KAZN: variants seen among roughly 807,000 people sequenced by gnomAD.
KAZN encodes the protein kazrin, periplakin interacting protein.
In KAZN, 40 loss-of-function variants were observed where a neutral mutation model predicts 87.4. The observed-to-expected ratio is 0.46, with a 90% CI of 0.36 to 0.60. The LOEUF (loss-of-function observed/expected upper bound fraction) is 0.60, where lower values mean the gene tolerates loss of function less well. Ranked by LOEUF, KAZN falls within the 20% of genes least tolerant of loss-of-function variation. The pLI is 0.00. For synonymous variants in KAZN, 466 were observed against 458.3 expected, an observed-to-expected ratio of 1.02 and a Z score of -0.22; for missense variants, 898 against 1,073.9, an observed-to-expected ratio of 0.84 and a Z score of 2.29.
chr1:14,519,308 T>C (rs1355066354), intron 2 of KAZN, among the ~76,000 whole-genome samples: 3 of 152,168 alleles, frequency 2.0e-5, no homozygotes, highest in Non-Finnish European at 4.4e-5. Flanking sequence ...CCCTCTGCTT[T>C]GCTTTAGATG....
Position 14,387,601 on chromosome 1 carries a change from G to T in KAZN, c.249+207009G>T, listed in dbSNP as rs1662042080. Among the ~76,000 whole-genome samples, 7 of 152,196 alleles carry T rather than the reference G, an allele frequency of 4.6e-5. No homozygotes were observed. The South Asian group carries it at 1.4e-3, about 32-fold the overall frequency. On this transcript the variant is annotated intron_variant, in intron 2 of 16. Transcript: ENST00000636203. Reference sequence around the variant, plus strand: ...GAGATGTCAGTCTGCCCCTGCTTGGGGGGTGCCTCCCAGTTAGGCTGCTCG... The same window carrying T: ...GAGATGTCAGTCTGCCCCTGCTTGGTGGGTGCCTCCCAGTTAGGCTGCTCG...
At chr1:14,038,006 A>G (rs1281303500) in intron 1 of KAZN, among the ~76,000 whole-genome samples, 1 of 152,116 alleles carries the variant, frequency 6.6e-6, no homozygotes. Flanking sequence ...AATTCACTCA[A>G]CCACCCACCT....
intron 1 of KAZN, among the ~76,000 whole-genome samples, chr1:14,857,765 C>T (rs887451462): frequency 6.6e-6 from 1 of 152,144 alleles, no homozygotes; most frequent in Non-Finnish European, 1.5e-5. Context: ...AGCCCACCCT[C>T]CTTTAAGCAA....
intron 1 of KAZN, among the ~76,000 whole-genome samples, chr1:14,948,278 G>A (rs1023433816): frequency 1.3e-5 from 2 of 152,222 alleles, no homozygotes; most frequent in South Asian, 2.1e-4. Context: ...TTCAGGTGTG[G>A]TGTGATCCAG....
chr1:14,475,360 T>C (rs1333687061), intron 2 of KAZN, among the ~76,000 whole-genome samples: 1 of 152,216 alleles, frequency 6.6e-6, no homozygotes, highest in East Asian at 1.9e-4. Flanking sequence ...CTTTAATATA[T>C]ACGTTCGGAA....
At chr1:14,883,064 G>C (rs150777970) in intron 1 of KAZN, among the ~76,000 whole-genome samples, 4,412 of 152,056 alleles carry the variant, frequency 0.029, 80 homozygotes, top group Non-Finnish European at 0.041. Flanking sequence ...GGGAGGCTGA[G>C]GTGGGTGGAT....
At chr1:14,836,088 C>A (rs377173658) in intron 1 of KAZN, among the ~76,000 whole-genome samples, 10 of 152,152 alleles carry the variant, frequency 6.6e-5, no homozygotes, top group African/African-American at 2.4e-4. Context: ...GGAGACCTGA[C>A]CTGTAAGTTT....
chr1:14,775,622 A>C (rs1645152976), intron 1 of KAZN, among the ~76,000 whole-genome samples: 1 of 152,230 alleles, frequency 6.6e-6, no homozygotes, highest in Non-Finnish European at 1.5e-5. Flanking sequence ...TGAGGACGTA[A>C]AACATGCGCC....
intron 2 of KAZN, among the ~76,000 whole-genome samples, chr1:14,551,111 G>A (rs944073960): frequency 6.6e-5 from 10 of 152,022 alleles, no homozygotes; most frequent in Non-Finnish European, 1.3e-4. Context: ...CTACAAATAC[G>A]CAAACGTGAG....
chr1:14,494,565 A>G (rs1321146138), intron 2 of KAZN, among the ~76,000 whole-genome samples: 2 of 152,092 alleles, frequency 1.3e-5, no homozygotes, highest in Non-Finnish European at 2.9e-5. Flanking sequence ...TGACATGTTG[A>G]TGTACACAGC....
intron 2 of KAZN, among the ~76,000 whole-genome samples, chr1:14,495,493 A>G (rs779721433): frequency 2.0e-4 from 30 of 152,194 alleles, no homozygotes; most frequent in Non-Finnish European, 3.2e-4. Context: ...GAAGAAATTC[A>G]TGCTCCTTTC....
At chr1:14,831,420 C>T (rs1193415212) in intron 1 of KAZN, among the ~76,000 whole-genome samples, 3 of 152,176 alleles carry the variant, frequency 2.0e-5, no homozygotes, top group Non-Finnish European at 4.4e-5. Context: ...CTTCCCTGAC[C>T]TGGCAGAGCC....
intron 1 of KAZN, among the ~76,000 whole-genome samples, chr1:14,689,102 C>T (rs536641046): frequency 1.2e-3 from 180 of 152,128 alleles, no homozygotes; most frequent in Non-Finnish European, 2.0e-3. Flanking sequence ...GGCTCAGGCA[C>T]GAGAATCCCT....
At chr1:15,091,448 G>C (rs553593604) in intron 8 of KAZN, among the ~76,000 whole-genome samples, 17 of 152,316 alleles carry the variant, frequency 1.1e-4, no homozygotes, top group Admixed American at 7.8e-4. Context: ...AGGTTCAAGT[G>C]ATTCTCCTGC....
chr1:14,420,454 G>C (rs1415366270), intron 2 of KAZN, among the ~76,000 whole-genome samples: 1 of 152,198 alleles, frequency 6.6e-6, no homozygotes, highest in Non-Finnish European at 1.5e-5. Flanking sequence ...GGAGCCACGG[G>C]GGGAGCTGCC....
rs569958080 is a variant in KAZN at position 13,983,621 on chromosome 1, G to A, written c.91+89865G>A. Reference sequence around the variant, plus strand: ...CAGAAAGGGGCTCCCACAGCGAAGCGATGGGCTGAAGGGCTCCTCAAGTGC... The same window carrying A: ...CAGAAAGGGGCTCCCACAGCGAAGCAATGGGCTGAAGGGCTCCTCAAGTGC... On this transcript the variant is annotated intron_variant, in intron 1 of 16. Transcript: ENST00000636203. Among the ~76,000 whole-genome samples the A allele has an allele frequency of 2.6e-3, 389 of 152,322 alleles. 2 individuals carry two copies. The highest frequency in any genetic ancestry group is 7.1e-3 in the African/African-American group (295 of 41,584).
rs138720219 is a variant in KAZN at position 14,875,393 on chromosome 1, A to G, written c.227-85291A>G. Among the ~76,000 whole-genome samples, 21 of 143,314 alleles carry G rather than the reference A, an allele frequency of 1.5e-4. No individual in the cohort carries two copies. The East Asian group carries it at 4.1e-3, about 28-fold the overall frequency. 94.0% of individuals were successfully genotyped at this position (143,314 alleles called of 152,430 possible). A position where few individuals can be genotyped will look rare whatever the true frequency, so the allele number is the denominator to read the frequency against. ...TTATGTAAATGTTATTTATCTTTTTATGGGTTTATTTGGTTGTTGTTATCA... is the reference window on the plus strand; with the variant it reads ...TTATGTAAATGTTATTTATCTTTTTGTGGGTTTATTTGGTTGTTGTTATCA... On this transcript the variant is annotated intron_variant, in intron 1 of 14. Transcript: ENST00000376030.
chr1:15,001,920 G>A (rs369516064), intron 2 of KAZN, among the ~76,000 whole-genome samples: 10 of 115,368 alleles, frequency 8.7e-5, no homozygotes, highest in African/African-American at 3.5e-4. Flanking sequence ...TCGCTCTGTC[G>A]CCCAGGCTGG....
rs975791065 is a variant in KAZN, at chr1:15,043,181, T to C, written c.556-808T>C. Among the ~76,000 whole-genome samples, 31 of 152,192 alleles carry C rather than the reference T, an allele frequency of 2.0e-4. 1 individual carries two copies. The highest frequency in any genetic ancestry group is 1.5e-5 in the Non-Finnish European group (1 of 68,034). Reference sequence around the variant, plus strand: ...GTTTCTCTCACAGGCTGTGACCCTGTGGAGTGGTGGCCGGACCTTGTGGCA... The same window carrying C: ...GTTTCTCTCACAGGCTGTGACCCTGCGGAGTGGTGGCCGGACCTTGTGGCA... On this transcript the variant is annotated intron_variant, in intron 3 of 14. Transcript: ENST00000376030.
Sources: gnomAD v4.1 joint callset for allele counts (sites outside exome capture counted in the v4.1 genomes callset) on GRCh38, gnomAD v4.1.1 for gene constraint, MANE v1.5 for transcripts, NCBI Gene and HGNC (gene_info 2026-07-23, HGNC 2026-07-21) for gene names.